CDKAL1: variants seen among roughly 807,000 people sequenced by gnomAD.
CDKAL1 encodes the protein threonylcarbamoyladenosine tRNA methylthiotransferase.
Under a neutral mutation model 68.2 loss-of-function variants are expected in CDKAL1, and 32 were observed. That is an observed-to-expected ratio of 0.47 (90% CI 0.35 to 0.63). The LOEUF (loss-of-function observed/expected upper bound fraction) is 0.63. CDKAL1 is among the 30% of genes least tolerant of loss of function. The pLI, the probability that CDKAL1 is intolerant of heterozygous loss-of-function variation, is 0.00. For missense variants in CDKAL1, 606 were observed against 696.7 expected (o/e 0.87, Z 1.47); for synonymous variants, 234 against 244.3 (o/e 0.96, Z 0.39).
intron 15 of CDKAL1, among the ~76,000 whole-genome samples, chr6:21,211,069 A>G (rs1171213192): frequency 6.6e-6 from 1 of 152,212 alleles, no homozygotes; most frequent in Non-Finnish European, 1.5e-5. Flanking sequence ...CATTTTTGGC[A>G]TCTGTAGTCA....
At chr6:20,823,736 C>T (rs911107947) in intron 8 of CDKAL1, among the ~76,000 whole-genome samples, 2 of 152,112 alleles carry the variant, frequency 1.3e-5, no homozygotes, top group African/African-American at 4.8e-5. Context: ...TATTTGAGAA[C>T]AATGTTACCA....
intron 11 of CDKAL1, among the ~76,000 whole-genome samples, chr6:21,059,161 A>G (rs990869309): frequency 1.3e-5 from 2 of 152,230 alleles, no homozygotes; most frequent in African/African-American, 4.8e-5. Flanking sequence ...GGAATGGATC[A>G]GGGTCCCACC....
At chr6:21,123,340 A>G (rs1260204000) in intron 13 of CDKAL1, among the ~76,000 whole-genome samples, 2 of 152,126 alleles carry the variant, frequency 1.3e-5, no homozygotes, top group Non-Finnish European at 2.9e-5. Flanking sequence ...CTGTAGTCCC[A>G]GCTACTCAGG....
chr6:20,755,627 A>C (rs2062974502), intron 6 of CDKAL1, among the ~76,000 whole-genome samples: 1 of 152,104 alleles, frequency 6.6e-6, no homozygotes, highest in African/African-American at 2.4e-5. Flanking sequence ...CAGTCCTTTC[A>C]ACCATCCTGG....
At chr6:20,686,346 C>A (rs1770622690) in intron 5 of CDKAL1, among the ~76,000 whole-genome samples, 1 of 152,084 alleles carries the variant, frequency 6.6e-6, no homozygotes, top group African/African-American at 2.4e-5. Flanking sequence ...GCTGCTCCCC[C>A]TTGCTTGCAT....
chr6:20,568,218 C>G (rs1181443029), intron 4 of CDKAL1, among the ~76,000 whole-genome samples: 1 of 151,896 alleles, frequency 6.6e-6, no homozygotes, highest in East Asian at 2.0e-4. Flanking sequence ...GGAGTCTTGC[C>G]ATTTTGCCCA....
At chr6:21,171,829 G>A (rs1488402716) in intron 13 of CDKAL1, among the ~76,000 whole-genome samples, 3 of 152,058 alleles carry the variant, frequency 2.0e-5, no homozygotes, top group Non-Finnish European at 4.4e-5. Flanking sequence ...CCCACCCCAG[G>A]GCCTTCAGTT....
At chr6:20,954,211 T>C (rs1374564777) in intron 9 of CDKAL1, among the ~76,000 whole-genome samples, 1 of 152,178 alleles carries the variant, frequency 6.6e-6, no homozygotes, top group Non-Finnish European at 1.5e-5. Context: ...ATGGAACATA[T>C]TAAGAGGAGC....
At chr6:21,176,023 C>G (rs890429901) in intron 13 of CDKAL1, among the ~76,000 whole-genome samples, 13 of 152,370 alleles carry the variant, frequency 8.5e-5, no homozygotes, top group African/African-American at 2.9e-4. Flanking sequence ...GGGCAAGAGA[C>G]TTAATGCCTC....
intron 13 of CDKAL1, among the ~76,000 whole-genome samples, chr6:21,173,983 T>C (rs1777487315): frequency 6.6e-6 from 1 of 152,044 alleles, no homozygotes; most frequent in South Asian, 2.1e-4. Flanking sequence ...GGCAGGAGAA[T>C]TGCTTCAGTG....
chr6:20,929,449 G>A (rs751153960), intron 9 of CDKAL1, among the ~76,000 whole-genome samples: 6 of 152,144 alleles, frequency 3.9e-5, no homozygotes, highest in Middle Eastern at 3.2e-3. Context: ...AAAAAGTAAG[G>A]TAGAAAAAAG....
At position 21,173,162 on chromosome 6, in the gene CDKAL1, A is replaced by G. The variant is rs576685280; in HGVS notation, c.1300-24859A>G. On this transcript the variant is annotated intron_variant, in intron 13 of 15. Coordinates refer to ENST00000274695, the MANE Select transcript of CDKAL1 (RefSeq NM_017774.3). ...CTCCTGCATCCCCCCCACACACCCA[A>G]AAATACTCTTGGATGAGTAATTGTG... Among the ~76,000 whole-genome samples, 38 of 151,850 alleles carry G rather than the reference A, an allele frequency of 2.5e-4. No homozygotes were observed. The East Asian group carries it at 7.4e-3, about 29-fold the overall frequency.
At chr6:20,651,140 T>C (rs1212892117) in intron 5 of CDKAL1, among the ~76,000 whole-genome samples, 1 of 152,224 alleles carries the variant, frequency 6.6e-6, no homozygotes, top group African/African-American at 2.4e-5. Flanking sequence ...CAAATTACTT[T>C]GGGCAGTATG....
intron 4 of CDKAL1, among the ~76,000 whole-genome samples, chr6:20,557,196 T>G (rs1764091243): frequency 6.6e-6 from 1 of 152,072 alleles, no homozygotes; most frequent in African/African-American, 2.4e-5. Flanking sequence ...AGTTATATAT[T>G]GAATAGAACT....
In CDKAL1 at chr6:21,218,464, G is replaced by A. The variant is rs1352051782; in HGVS notation, c.1549-12384G>A. On this transcript the variant is annotated intron_variant, in intron 15 of 15. Transcript: ENST00000274695. ...CTAGGTGCAGCTTCTCTGGGTGCCC[G>A]TGGCACAGTACTGCTCCTTCGGCTG... Among the ~76,000 whole-genome samples, 5 of 152,222 alleles carry A rather than the reference G, an allele frequency of 3.3e-5. No homozygotes were observed. In the South Asian group the frequency reaches 6.2e-4, roughly 19 times the overall value.
At chr6:20,961,924 G>A (rs1765078090) in intron 10 of CDKAL1, among the ~76,000 whole-genome samples, 1 of 152,044 alleles carries the variant, frequency 6.6e-6, no homozygotes, top group African/African-American at 2.4e-5. Context: ...AAGTTAAAAT[G>A]TTTATTTTAA....
chr6:20,624,709 G>A (rs1213334171), intron 4 of CDKAL1, among the ~76,000 whole-genome samples: 1 of 152,042 alleles, frequency 6.6e-6, no homozygotes, highest in African/African-American at 2.4e-5. Context: ...ACATTGAGAA[G>A]CATTTCAAAT....
chr6:21,053,382 T>G (rs958566119), intron 11 of CDKAL1, among the ~76,000 whole-genome samples: 16 of 152,226 alleles, frequency 1.1e-4, no homozygotes, highest in African/African-American at 2.9e-4. Flanking sequence ...GATAGACATT[T>G]GGACTGTTAC....
chr6:20,812,426 C>A (rs1035445751), intron 8 of CDKAL1, among the ~76,000 whole-genome samples: 1 of 152,152 alleles, frequency 6.6e-6, no homozygotes, highest in Non-Finnish European at 1.5e-5. Flanking sequence ...CTTTCTAGAG[C>A]GTTATTTGAA....
Sources: allele counts gnomAD v4.1 joint callset (sites outside exome capture counted in the v4.1 genomes callset), GRCh38; gene constraint gnomAD v4.1.1; transcripts MANE v1.5; gene names NCBI Gene and HGNC (gene_info 2026-07-23, HGNC 2026-07-21).